Variants in ADAP1 observed in about 807,000 individuals in gnomAD.
ADAP1 encodes arf-GAP with dual PH domain-containing protein 1.
Under a neutral mutation model 54.9 loss-of-function variants are expected in ADAP1, and 31 were observed. The observed-to-expected ratio is 0.56, with a 90% CI of 0.42 to 0.76. ADAP1 has a LOEUF of 0.76. ADAP1 is among the 30% of genes least tolerant of loss of function. The pLI, the probability that ADAP1 is intolerant of heterozygous loss-of-function variation, is 0.00. For synonymous variants in ADAP1, 313 were observed against 202.6 expected, an observed-to-expected ratio of 1.55 and a Z score of -4.63; for missense variants, 535 against 512.4, an observed-to-expected ratio of 1.04 and a Z score of -0.42.
At chr7:935,296 C>A in intron 2 of ADAP1, 79 bp downstream of exon 2, 1 of 1,514,208 alleles carries the variant, frequency 6.6e-7, no homozygotes, top group South Asian at 1.2e-5. Context: ...GCCAGGCCGC[C>A]CGGCATCTCT....
chr7:915,366 A>G (rs1569112), intron 4 of ADAP1, among the ~76,000 whole-genome samples: 133,013 of 152,246 alleles, frequency 0.87, 58,375 homozygotes, highest in East Asian at 0.97. Context: ...AACAGAGGGC[A>G]CAGCCCATGC....
In ADAP1 at chr7:935,035, CTT is replaced by C. The variant is rs941048954; in HGVS notation, c.213+338_213+339del. 2.0e-5 allele frequency: 9 copies of C among 448,642 alleles called. No individual in the cohort carries two copies. The East Asian group carries it at 3.1e-4, about 16-fold the overall frequency. 27.8% of individuals were successfully genotyped at this position (448,642 alleles called of 1,614,324 possible). A position where few individuals can be genotyped will look rare whatever the true frequency, so the allele number is the denominator to read the frequency against. ...TTCTGTTTCCTTAGAGACAGGGTCT[CTT>C]TTACCCTGAGCCCAGTGCTCCAGGT... On this transcript the variant is annotated intron_variant, in intron 2 of 10. Transcript: ENST00000265846.
At chr7:949,529 T>C (rs1488500841) in intron 1 of ADAP1, among the ~76,000 whole-genome samples, 2 of 152,220 alleles carry the variant, frequency 1.3e-5, no homozygotes, top group Admixed American at 6.5e-5. Flanking sequence ...ACCTGAGATA[T>C]GTCCAGAGCT....
chr7:929,589 T>TCCACAGA (rs1223532669), intron 2 of ADAP1, among the ~76,000 whole-genome samples: 2 of 148,714 alleles, frequency 1.3e-5, no homozygotes, highest in Non-Finnish European at 3.0e-5. Flanking sequence ...AACAAGCAAA[T>TCCACAGA]CCACAGAGAC....
At chr7:919,179 C>T (rs552602183) in intron 4 of ADAP1, among the ~76,000 whole-genome samples, 25 of 86,690 alleles carry the variant, frequency 2.9e-4, no homozygotes, top group African/African-American at 1.1e-3. Context: ...AGGTGGAGGC[C>T]GCAGGCCGGG....
intron 1 of ADAP1, among the ~76,000 whole-genome samples, chr7:943,853 GGAGA>G (rs1242130682): frequency 1.3e-5 from 2 of 149,256 alleles, no homozygotes; most frequent in African/African-American, 5.0e-5. Flanking sequence ...GAGGAGGAAG[GGAGA>G]GAGGAGGAGG....
intron 1 of ADAP1, among the ~76,000 whole-genome samples, 163 bp downstream of exon 1, chr7:954,233 C>A (rs1484691024): frequency 6.6e-6 from 1 of 151,390 alleles, no homozygotes; most frequent in Non-Finnish European, 1.5e-5. Flanking sequence ...TGCAGCCGGG[C>A]CCGGGCCCCA....
intron 2 of ADAP1, chr7:927,111 G>T (rs756840585): frequency 2.3e-6 from 3 of 1,304,304 alleles, no homozygotes; most frequent in Non-Finnish European, 3.0e-6. Flanking sequence ...GGGCTGGTGA[G>T]CGAGAGACCC....
At chr7:901,603 C>A (rs990050588) in intron 6 of ADAP1, among the ~76,000 whole-genome samples, 4 of 152,180 alleles carry the variant, frequency 2.6e-5, no homozygotes, top group Non-Finnish European at 4.4e-5. Context: ...TGGGATTGCC[C>A]TGTCCTCTTC....
chr7:900,236 C>G, intron 7 of ADAP1, 72 bp from the exon 8 acceptor site: 1 of 1,576,082 alleles, frequency 6.3e-7, no homozygotes, highest in Non-Finnish European at 8.7e-7. Flanking sequence ...GGCTGTGCCC[C>G]TCTGTGCTCC....
chr7:930,492 A>ACGG (rs1554276397), intron 2 of ADAP1, among the ~76,000 whole-genome samples: 7 of 150,060 alleles, frequency 4.7e-5, no homozygotes, highest in Non-Finnish European at 8.9e-5. Context: ...CCTGGCCAAC[A>ACGG]TAGCAAGACC....
chr7:955,207 C>T (rs745532676), upstream of ADAP1: 286 of 1,220,070 alleles, frequency 2.3e-4, no homozygotes, highest in Non-Finnish European at 3.1e-4. Flanking sequence ...CCTCTGGGCA[C>T]CCCTCCCACT....
At chr7:907,135 C>G (rs1298808518) in intron 4 of ADAP1, among the ~76,000 whole-genome samples, 2 of 152,132 alleles carry the variant, frequency 1.3e-5, no homozygotes, top group African/African-American at 2.4e-5. Context: ...TGAGGGGAGT[C>G]CAGCTCAAGC....
chr7:905,574 A>AGAAAGGGAAAGGAGAAAGG (rs1562912325), intron 4 of ADAP1: 1 of 21,954 alleles, frequency 4.6e-5, no homozygotes, highest in Non-Finnish European at 7.0e-5. Context: ...AGGAGAAAGG[A>AGAAAGGGAAAGGAGAAAGG]GAAAGGAGAA....
intron 1 of ADAP1, among the ~76,000 whole-genome samples, chr7:947,004 T>C (rs1847157756): frequency 6.6e-6 from 1 of 152,122 alleles, no homozygotes; most frequent in African/African-American, 2.4e-5. Flanking sequence ...AAGGTTAATT[T>C]TTCATATGAA....
chr7:919,567 A>G (rs1013899286), intron 4 of ADAP1, among the ~76,000 whole-genome samples: 5 of 145,500 alleles, frequency 3.4e-5, no homozygotes, highest in African/African-American at 1.3e-4. Context: ...AGAGATAGAG[A>G]GAGGATGAGA....
In ADAP1 at chr7:904,270, G is replaced by C. The variant is rs201134549; in HGVS notation, c.504C>G (p.Ala168=). ...GALKYFNRND[A]KEPKAVMKIE... Reference sequence around the variant, plus strand: ...TCTTCATCACGGCCTTGGGCTCCTTGGCCTGAGAAGGGGTGGGGTCTAAGC... The same window carrying C: ...TCTTCATCACGGCCTTGGGCTCCTTCGCCTGAGAAGGGGTGGGGTCTAAGC... The change falls in exon 6 of 11, where the codon GCC becomes GCG. Residue 168 remains alanine, a splice_region_variant and synonymous_variant. Coordinates refer to ENST00000265846, the MANE Select transcript of ADAP1 (RefSeq NM_006869.4). 39 of 1,588,164 alleles carry C rather than the reference G, an allele frequency of 2.5e-5. No homozygotes were observed. The highest frequency in any genetic ancestry group is 9.2e-5 in the South Asian group (8 of 87,340).
rs377079902 is a variant in ADAP1, at chr7:920,744, A to T, written c.306-694T>A. ...CCACTGAGCCCAGACATCCCTGCCC[A>T]GAGCCACCCACCACGGCCTCCCCAT... is the stretch of plus-strand genomic sequence containing the variant. On this transcript the variant is annotated intron_variant, in intron 3 of 10. Coordinates refer to ENST00000265846, the MANE Select transcript of ADAP1 (RefSeq NM_006869.4). This position sits in a 1 kb window ranked among gnomAD's most constrained non-coding sequence, Gnocchi z 4.5. The T allele has an allele frequency of 3.3e-6, 5 of 1,528,730 alleles. No individual in the cohort carries two copies. Among genetic ancestry groups the T allele is most frequent in the Non-Finnish European group, 3.5e-6 (4 of 1,130,914 alleles). 94.7% of individuals were successfully genotyped at this position (1,528,730 alleles called of 1,614,324 possible). A position where few individuals can be genotyped will look rare whatever the true frequency, so the allele number is the denominator to read the frequency against.
In ADAP1 at chr7:926,289, C is replaced by G. The variant is rs1562929220; in HGVS notation, c.305+264G>C. On this transcript the variant is annotated intron_variant, in intron 3 of 10. Transcript: ENST00000265846. The surrounding 1 kb of genome is among the most constrained non-coding windows in gnomAD (Gnocchi z 4.6). ...TCAGATCCACCCGAGACCCCCAAGG[C>G]CTCAGCGAACCTGGGTGGGCTGTAG... Among the ~76,000 whole-genome samples, 1 of 151,246 alleles carries G rather than the reference C, an allele frequency of 6.6e-6. No individual in the cohort carries two copies. Among genetic ancestry groups the G allele is most frequent in the Non-Finnish European group, 1.5e-5 (1 of 67,692 alleles).
Sources: gnomAD v4.1 joint callset for allele counts (sites outside exome capture counted in the v4.1 genomes callset) on GRCh38, gnomAD v4.1.1 for gene constraint, Gnocchi (gnomAD v3.1) non-coding constraint, MANE v1.5 for transcripts, NCBI Gene and HGNC (gene_info 2026-07-23, HGNC 2026-07-21) for gene names.